The following PARN variants were observed in gnomAD, a reference collection of about 807,000 sequenced individuals.
The protein encoded by PARN is poly(A)-specific ribonuclease.
A neutral mutation model predicts 102.8 loss-of-function variants in PARN; 71 were observed. The observed-to-expected ratio is 0.69, with a 90% CI of 0.57 to 0.84. The LOEUF (loss-of-function observed/expected upper bound fraction) is 0.84, where lower values mean the gene tolerates loss of function less well. Ranked by LOEUF, PARN falls within the 40% of genes least tolerant of loss-of-function variation. The pLI is 0.00. For synonymous variants in PARN, 261 were observed against 252.9 expected (o/e 1.03, Z -0.30); for missense variants, 782 against 760.9 (o/e 1.03, Z -0.33).
chr16:14,601,392 A>G (rs2151782543), intron 11 of PARN, among the ~76,000 whole-genome samples: 1 of 152,216 alleles, frequency 6.6e-6, no homozygotes, highest in South Asian at 2.1e-4. Context: ...AGGTACTCAG[A>G]GTGACCAAAT....
rs145809464 is a variant in PARN at position 14,612,418 on chromosome 16, G to A, written c.389-1609C>T. Among the ~76,000 whole-genome samples the A allele has an allele frequency of 1.9e-3, 294 of 151,700 alleles. 1 individual carries two copies. The highest frequency in any genetic ancestry group is 3.8e-3 in the Admixed American group (58 of 15,230). ...TGCCACCGCACTTCAGCCTGGCGACGGTGTGACACTGTCTCAAAAAAAAAT... is the reference window on the plus strand; with the variant it reads ...TGCCACCGCACTTCAGCCTGGCGACAGTGTGACACTGTCTCAAAAAAAAAT... On this transcript the variant is annotated intron_variant, in intron 6 of 23. Coordinates refer to ENST00000437198, the MANE Select transcript of PARN (RefSeq NM_002582.4).
intron 5 of PARN, among the ~76,000 whole-genome samples, chr16:14,624,776 G>T (rs1972537969): frequency 6.6e-6 from 1 of 151,946 alleles, no homozygotes; most frequent in South Asian, 2.1e-4. Flanking sequence ...AAATTAGCCG[G>T]TGTGGTGGTG....
intron 20 of PARN, among the ~76,000 whole-genome samples, chr16:14,553,273 AAAAAAG>A (rs1205717822): frequency 6.6e-6 from 1 of 151,116 alleles, no homozygotes; most frequent in Admixed American, 6.6e-5. Flanking sequence ...AAAAAAAAAA[AAAAAAG>A]AAAGAAAATG....
intron 9 of PARN, among the ~76,000 whole-genome samples, chr16:14,607,059 G>A (rs1440690416): frequency 6.6e-6 from 1 of 152,074 alleles, no homozygotes; most frequent in Non-Finnish European, 1.5e-5. Context: ...GGGATTACAG[G>A]TGTGAGCCAC....
intron 3 of PARN, 85 bp downstream of exon 3, chr16:14,628,087 G>C (rs1972788659): frequency 1.2e-6 from 1 of 840,722 alleles, no homozygotes; most frequent in African/African-American, 1.7e-5. Context: ...AAACCTTAAT[G>C]CACAAGTTTA....
rs931343315 is a variant in PARN, at chr16:14,546,647, G to A, written c.1480+5374C>T. Reference sequence around the variant, plus strand: ...TATATTCAGAGACACAATGTCCTACGATGCATTTAAAGACACTCAAAACAA... The same window carrying A: ...TATATTCAGAGACACAATGTCCTACAATGCATTTAAAGACACTCAAAACAA... On this transcript the variant is annotated intron_variant, in intron 21 of 23. Coordinates refer to ENST00000437198, the MANE Select transcript of PARN (RefSeq NM_002582.4). 4.6e-5 allele frequency among the ~76,000 whole-genome samples: 7 copies of A among 152,268 alleles called. 1 individual carries two copies. Among genetic ancestry groups the A allele is most frequent in the South Asian group, 4.1e-4 (2 of 4,830 alleles).
At chr16:14,534,811 T>C (rs113710538) in intron 21 of PARN, among the ~76,000 whole-genome samples, 29 of 151,954 alleles carry the variant, frequency 1.9e-4, no homozygotes, top group Admixed American at 1.4e-3. Flanking sequence ...CTGGACTGCA[T>C]AATGTAAAGT....
At chr16:14,480,031 T>C (rs1963293567) in intron 22 of PARN, among the ~76,000 whole-genome samples, 2 of 151,948 alleles carry the variant, frequency 1.3e-5, no homozygotes, top group Admixed American at 1.3e-4. Context: ...AACAAGACTT[T>C]ATGAAAATTA....
intron 19 of PARN, among the ~76,000 whole-genome samples, chr16:14,554,431 T>G (rs1476283902): frequency 6.9e-6 from 1 of 145,644 alleles, no homozygotes. Flanking sequence ...TGTTTATTTT[T>G]TAATTTTTTT....
chr16:14,623,445 TGGA>T (rs1300274201), intron 5 of PARN, among the ~76,000 whole-genome samples: 1 of 148,272 alleles, frequency 6.7e-6, no homozygotes, highest in African/African-American at 2.5e-5. Flanking sequence ...ACCCAGGAGG[TGGA>T]GGTCGTGGTG....
At chr16:14,520,759 T>C (rs1178249256) in intron 21 of PARN, among the ~76,000 whole-genome samples, 6 of 151,960 alleles carry the variant, frequency 3.9e-5, no homozygotes, top group Admixed American at 2.0e-4. Flanking sequence ...GAATACAATA[T>C]GGATCTAAAA....
chr16:14,614,027 G>T (rs1362215782), intron 6 of PARN, among the ~76,000 whole-genome samples: 2 of 152,092 alleles, frequency 1.3e-5, no homozygotes, highest in South Asian at 4.1e-4. Context: ...AGAGCTTTAG[G>T]GGGTGGCGGC....
intron 22 of PARN, among the ~76,000 whole-genome samples, chr16:14,450,929 T>C (rs774073950): frequency 1.1e-4 from 16 of 151,620 alleles, no homozygotes; most frequent in Non-Finnish European, 2.4e-4. Context: ...TAGCAATCCA[T>C]GAGTCTACAT....
chr16:14,546,028 A>G (rs373445714), intron 21 of PARN, among the ~76,000 whole-genome samples: 4 of 152,346 alleles, frequency 2.6e-5, no homozygotes, highest in African/African-American at 9.6e-5. Flanking sequence ...CACAGCCAAA[A>G]GCGTTCTTGA....
chr16:14,576,492 A>G (rs1447386444), intron 18 of PARN, among the ~76,000 whole-genome samples: 1 of 152,274 alleles, frequency 6.6e-6, no homozygotes, highest in African/African-American at 2.4e-5. Context: ...TTAACAAAAC[A>G]TAAGGCAAAC....
intron 21 of PARN, among the ~76,000 whole-genome samples, chr16:14,505,218 G>A (rs976328230): frequency 6.6e-6 from 1 of 152,202 alleles, no homozygotes; most frequent in Non-Finnish European, 1.5e-5. Context: ...TAAATTAAAT[G>A]TTAATGCTTC....
intron 22 of PARN, among the ~76,000 whole-genome samples, chr16:14,458,180 C>T (rs970007974): frequency 3.9e-5 from 6 of 152,118 alleles, no homozygotes; most frequent in Admixed American, 3.9e-4. Context: ...AAAGATACTA[C>T]ATTAATAATA....
chr16:14,610,955 T>C (rs1334287667), intron 6 of PARN, 146 bp from the exon 7 acceptor site: 2 of 620,800 alleles, frequency 3.2e-6, no homozygotes, highest in African/African-American at 3.7e-5. Flanking sequence ...GCAAATGATT[T>C]TGAAATGTGT....
intron 21 of PARN, among the ~76,000 whole-genome samples, chr16:14,551,434 T>G (rs1967296662): frequency 6.6e-6 from 1 of 151,890 alleles, no homozygotes; most frequent in Non-Finnish European, 1.5e-5. Flanking sequence ...CCGGGTATCA[T>G]GTTGCGCGCC....
Sources: allele counts gnomAD v4.1 joint callset (sites outside exome capture counted in the v4.1 genomes callset), GRCh38; gene constraint gnomAD v4.1.1; transcripts MANE v1.5; gene names NCBI Gene and HGNC (gene_info 2026-07-23, HGNC 2026-07-21).